The following NKAIN3 variants were observed in gnomAD, a reference collection of about 807,000 sequenced individuals.
NKAIN3 encodes the protein sodium/potassium transporting ATPase interacting 3.
In NKAIN3, 25 loss-of-function variants were observed where a neutral mutation model predicts 30.2. The observed-to-expected ratio is 0.83, with a 90% CI of 0.60 to 1.16. The LOEUF is 1.16. Ranked by LOEUF, NKAIN3 falls within the 50% of genes most tolerant of loss-of-function variation. The pLI is 0.00. For synonymous variants in NKAIN3, 91 were observed against 89.6 expected (o/e 1.02, Z -0.09); for missense variants, 225 against 254.1 (o/e 0.89, Z 0.78).
At chr8:62,252,521 C>T (rs1160496266) in intron 1 of NKAIN3, among the ~76,000 whole-genome samples, 2 of 152,180 alleles carry the variant, frequency 1.3e-5, no homozygotes, top group Non-Finnish European at 2.9e-5. Context: ...TTTCACTCCA[C>T]TGCTCTGGCT....
At chr8:62,249,278 G>C (rs1812007435) in intron 1 of NKAIN3, 151 bp downstream of exon 1, 1 of 665,576 alleles carries the variant, frequency 1.5e-6, no homozygotes, top group South Asian at 2.0e-5. Flanking sequence ...CGCCTGGCTG[G>C]GCTCGCACTG....
intron 4 of NKAIN3, among the ~76,000 whole-genome samples, chr8:62,785,881 T>A (rs1004798933): frequency 6.6e-6 from 1 of 152,160 alleles, no homozygotes; most frequent in Non-Finnish European, 1.5e-5. Flanking sequence ...TAAATCCAGT[T>A]GAAGAGCATG....
At chr8:62,429,407 A>G (rs770223768) in intron 1 of NKAIN3, among the ~76,000 whole-genome samples, 2 of 151,952 alleles carry the variant, frequency 1.3e-5, no homozygotes, top group Non-Finnish European at 2.9e-5. Context: ...GATTTATTAC[A>G]GTTCTTATTT....
rs77292554 is a variant in NKAIN3 at position 62,961,279 on chromosome 8, C to CAA, written c.604-4061_604-4060dup. ...TAGGTGACAGAGTGAGACTCTGTCTCAAAAAAAAAAAAAAAGTGGGTCAAC... is the reference window on the plus strand; with the variant it reads ...TAGGTGACAGAGTGAGACTCTGTCTCAAAAAAAAAAAAAAAAAGTGGGTCAAC... On this transcript the variant is annotated intron_variant, in intron 6 of 6. Coordinates refer to ENST00000623646, the MANE Select transcript of NKAIN3 (RefSeq NM_001304533.3). Among the ~76,000 whole-genome samples the CAA allele has an allele frequency of 3.7e-4, 50 of 136,104 alleles. No homozygotes were observed. The East Asian group carries it at 6.3e-3, about 17-fold the overall frequency. 89.3% of individuals were successfully genotyped at this position (136,104 alleles called of 152,430 possible). A position where few individuals can be genotyped will look rare whatever the true frequency, so the allele number is the denominator to read the frequency against.
chr8:62,646,698 T>C (rs4366077), intron 3 of NKAIN3, among the ~76,000 whole-genome samples: 60,047 of 151,962 alleles, frequency 0.4, 12,808 homozygotes, highest in East Asian at 0.66. Flanking sequence ...AAAATCACCA[T>C]CGGCATCTTC....
intron 1 of NKAIN3, among the ~76,000 whole-genome samples, chr8:62,565,948 A>G (rs886248467): frequency 6.6e-6 from 1 of 152,148 alleles, no homozygotes; most frequent in Non-Finnish European, 1.5e-5. Flanking sequence ...GAAAAACATA[A>G]TGGTTGTATA....
At chr8:62,996,132 A>G (rs1804106782) in intron 5 of NKAIN3, among the ~76,000 whole-genome samples, 1 of 151,702 alleles carries the variant, frequency 6.6e-6, no homozygotes, top group African/African-American at 2.4e-5. Flanking sequence ...ACTGCTAAAA[A>G]GATACTACCT....
In NKAIN3 at chr8:62,981,561, G is replaced by A. The variant is rs1237954363; in HGVS notation, c.*16154G>A. ...CTCATCCTGTGGTAGGAACTTAGGA[G>A]TGATAACTCACATTGAGAACTTGTG... On this transcript the variant is annotated 3_prime_UTR_variant, in exon 7 of 7. Coordinates refer to ENST00000623646, the MANE Select transcript of NKAIN3 (RefSeq NM_001304533.3). The A allele has an allele frequency of 6.6e-6, 1 of 152,126 alleles. No individual in the cohort carries two copies. The highest frequency in any genetic ancestry group is 1.5e-5 in the Non-Finnish European group (1 of 68,022). 9.4% of individuals were successfully genotyped at this position (152,126 alleles called of 1,614,324 possible).
At chr8:62,412,548 A>G (rs1401494822) in intron 1 of NKAIN3, among the ~76,000 whole-genome samples, 1 of 152,168 alleles carries the variant, frequency 6.6e-6, no homozygotes, top group Non-Finnish European at 1.5e-5. Context: ...CTATGTATCC[A>G]ACAAAGGTCT....
intron 1 of NKAIN3, among the ~76,000 whole-genome samples, chr8:62,447,653 G>T (rs760341940): frequency 6.6e-6 from 1 of 151,928 alleles, no homozygotes; most frequent in Non-Finnish European, 1.5e-5. Context: ...CTTCTAAAGG[G>T]AATTAATTTT....
intron 3 of NKAIN3, among the ~76,000 whole-genome samples, chr8:62,597,918 A>G (rs1266419622): frequency 6.6e-6 from 1 of 151,856 alleles, no homozygotes; most frequent in Non-Finnish European, 1.5e-5. Context: ...TTAATTTAGG[A>G]AAGATTGAGA....
intron 1 of NKAIN3, among the ~76,000 whole-genome samples, chr8:62,264,110 G>T (rs1812535410): frequency 6.6e-6 from 1 of 152,186 alleles, no homozygotes; most frequent in Non-Finnish European, 1.5e-5. Flanking sequence ...AAACTATACA[G>T]TCAAACTTGA....
At position 62,729,039 on chromosome 8, in the gene NKAIN3, A is replaced by AAAAAAAAAAACAAAC. The variant is rs200466973; in HGVS notation, c.274-17893_274-17892insAAAAAAAAAACAAAC. ...ACAAACAAACCAAAAAAAAAAAAAA[A>AAAAAAAAAAACAAAC]CAAAAAAAAAAAACCTCCTGCTCTG... On this transcript the variant is annotated intron_variant, in intron 3 of 6. Coordinates refer to ENST00000623646, the MANE Select transcript of NKAIN3 (RefSeq NM_001304533.3). Among the ~76,000 whole-genome samples the AAAAAAAAAAACAAAC allele has an allele frequency of 1.3e-4, 13 of 96,944 alleles. 1 individual carries two copies. Among genetic ancestry groups the AAAAAAAAAAACAAAC allele is most frequent in the African/African-American group, 5.2e-4 (13 of 25,230 alleles). 63.6% of individuals were successfully genotyped at this position (96,944 alleles called of 152,430 possible). A position where few individuals can be genotyped will look rare whatever the true frequency, so the allele number is the denominator to read the frequency against.
intron 3 of NKAIN3, among the ~76,000 whole-genome samples, chr8:62,671,503 A>G (rs1317363208): frequency 6.6e-6 from 1 of 152,232 alleles, no homozygotes; most frequent in Non-Finnish European, 1.5e-5. Context: ...GTAATTTAAT[A>G]CAAGGAAACT....
intron 4 of NKAIN3, among the ~76,000 whole-genome samples, chr8:62,751,059 C>T (rs1816266662): frequency 6.6e-6 from 1 of 152,188 alleles, no homozygotes; most frequent in Non-Finnish European, 1.5e-5. Flanking sequence ...TTCTCATCAC[C>T]TTCAGGATGA....
In NKAIN3 at chr8:62,375,670, T is replaced by C. The variant is rs567410143; in HGVS notation, c.54+126543T>C. Among the ~76,000 whole-genome samples, 8 of 152,314 alleles carry C rather than the reference T, an allele frequency of 5.3e-5. 1 individual carries two copies. In the South Asian group the frequency reaches 8.3e-4, roughly 16 times the overall value. ...TGACATTTCATAAGGTATATTCATA[T>C]GCTCAGAACACAACCTACTGCCTGG... On this transcript the variant is annotated intron_variant, in intron 1 of 6. Coordinates refer to ENST00000623646, the MANE Select transcript of NKAIN3 (RefSeq NM_001304533.3).
intron 4 of NKAIN3, among the ~76,000 whole-genome samples, chr8:62,783,311 C>G (rs1817415815): frequency 6.6e-6 from 1 of 152,068 alleles, no homozygotes; most frequent in Admixed American, 6.6e-5. Flanking sequence ...GCCCTTTCTA[C>G]CATGTGAAGT....
At chr8:62,895,751 TCTTCCCTAATGTC>T (rs1442685111) in intron 4 of NKAIN3, among the ~76,000 whole-genome samples, 1 of 152,146 alleles carries the variant, frequency 6.6e-6, no homozygotes, top group Non-Finnish European at 1.5e-5. Context: ...TTCTGGTCCT[TCTTCCCTAATGTC>T]GTGGGCTGGG....
rs535607904 is a variant in NKAIN3, at chr8:62,690,559, T to C, written c.274-56373T>C. Among the ~76,000 whole-genome samples the C allele has an allele frequency of 2.6e-5, 4 of 152,320 alleles. No homozygotes were observed. In the East Asian group the frequency reaches 5.8e-4, roughly 22 times the overall value. On this transcript the variant is annotated intron_variant, in intron 3 of 6. Coordinates refer to ENST00000623646, the MANE Select transcript of NKAIN3 (RefSeq NM_001304533.3). ...GGAGTATTCAGCATTAGCGCCTCCG[T>C]GGAAGTTTCTGTCTCTGCCTCAGTC...
Sources: gnomAD v4.1 joint callset for allele counts (sites outside exome capture counted in the v4.1 genomes callset) on GRCh38, gnomAD v4.1.1 for gene constraint, MANE v1.5 for transcripts, NCBI Gene and HGNC (gene_info 2026-07-23, HGNC 2026-07-21) for gene names.